Variants in RAB8B observed in about 807,000 individuals in gnomAD.
The protein encoded by RAB8B is RAB8B, member RAS oncogene family.
In RAB8B, 11 loss-of-function variants were observed where a neutral mutation model predicts 32.0. That is an observed-to-expected ratio of 0.34 (90% CI 0.22 to 0.57). RAB8B has a LOEUF of 0.57. RAB8B is among the 20% of genes least tolerant of loss of function. The pLI, the probability that RAB8B is intolerant of heterozygous loss-of-function variation, is 0.86. For synonymous variants in RAB8B, 103 were observed against 89.6 expected (o/e 1.15, Z -0.85); for missense variants, 190 against 258.5 (o/e 0.73, Z 1.82).
intron 1 of RAB8B, among the ~76,000 whole-genome samples, chr15:63,233,920 A>G (rs1210335469): frequency 6.6e-6 from 1 of 152,212 alleles, no homozygotes; most frequent in Non-Finnish European, 1.5e-5. Flanking sequence ...TAAACCCAGC[A>G]TTGAAATCTT....
In RAB8B at chr15:63,226,499, G is replaced by C. The variant is rs565605075; in HGVS notation, c.125-18257G>C. Reference sequence around the variant, plus strand: ...CCTATGCAAAATAGATTAAATATCAGTTTTTCAGAATGCACACATTTTTTT... The same window carrying C: ...CCTATGCAAAATAGATTAAATATCACTTTTTCAGAATGCACACATTTTTTT... On this transcript the variant is annotated intron_variant, in intron 1 of 7. Transcript: ENST00000321437. Among the ~76,000 whole-genome samples the C allele has an allele frequency of 2.6e-5, 4 of 152,272 alleles. No homozygotes were observed. In the South Asian group the frequency reaches 8.3e-4, roughly 32 times the overall value.
At chr15:63,242,047 A>C (rs2038036523) in intron 1 of RAB8B, among the ~76,000 whole-genome samples, 1 of 150,966 alleles carries the variant, frequency 6.6e-6, no homozygotes, top group Non-Finnish European at 1.5e-5. Flanking sequence ...AGGTTGCTGC[A>C]AAAGTAATTG....
intron 1 of RAB8B, among the ~76,000 whole-genome samples, chr15:63,194,314 C>T (rs574188973): frequency 1.3e-5 from 2 of 152,350 alleles, no homozygotes; most frequent in South Asian, 2.1e-4. Context: ...TGAGTTGCTA[C>T]TATTCCTAAT....
chr15:63,246,031 C>G (rs2038069211), intron 2 of RAB8B, among the ~76,000 whole-genome samples: 1 of 152,152 alleles, frequency 6.6e-6, no homozygotes, highest in South Asian at 2.1e-4. Context: ...CGCTACCACG[C>G]CCTGCTATTT....
chr15:63,193,837 A>G lies in RAB8B; in HGVS notation c.124+4089A>G, dbSNP rs186419168. Among the ~76,000 whole-genome samples the G allele has an allele frequency of 4.0e-5, 6 of 149,756 alleles. No homozygotes were observed. In the East Asian group the frequency reaches 1.2e-3, roughly 29 times the overall value. On this transcript the variant is annotated intron_variant, in intron 1 of 7. Transcript: ENST00000321437. ...AAAAACAACAACAACAACAACATCA[A>G]AAACATTTAATTAAGTGCCTGTAAA...
intron 1 of RAB8B, among the ~76,000 whole-genome samples, chr15:63,237,720 A>G (rs1311786274): frequency 1.3e-5 from 2 of 152,080 alleles, no homozygotes; most frequent in Non-Finnish European, 2.9e-5. Flanking sequence ...TTTGCTGTAC[A>G]GAAGCTTTTT....
intron 1 of RAB8B, chr15:63,223,980 G>C (rs544624140): frequency 1.2e-5 from 3 of 258,032 alleles, no homozygotes; most frequent in Non-Finnish European, 2.4e-5. Context: ...GTGGTGTTGG[G>C]TAAGTCACTC....
At chr15:63,240,597 C>T (rs2038024040) in intron 1 of RAB8B, among the ~76,000 whole-genome samples, 1 of 151,974 alleles carries the variant, frequency 6.6e-6, no homozygotes, top group Admixed American at 6.6e-5. Context: ...TCTAGGTCCC[C>T]ACTTGCTTTT....
At chr15:63,200,833 C>G (rs914146538) in intron 1 of RAB8B, among the ~76,000 whole-genome samples, 2 of 152,226 alleles carry the variant, frequency 1.3e-5, no homozygotes, top group Non-Finnish European at 2.9e-5. Context: ...TCTATTTTCT[C>G]TTACACCCCA....
intron 1 of RAB8B, among the ~76,000 whole-genome samples, chr15:63,213,702 TAA>T (rs978257991): frequency 3.9e-5 from 6 of 152,354 alleles, no homozygotes; most frequent in Non-Finnish European, 7.3e-5. Flanking sequence ...TGTTGAAACT[TAA>T]AATGAGTAAA....
At chr15:63,210,323 T>C (rs560088013) in intron 1 of RAB8B, among the ~76,000 whole-genome samples, 65 of 152,354 alleles carry the variant, frequency 4.3e-4, no homozygotes, top group African/African-American at 1.5e-3. Flanking sequence ...CTCTGTGTCT[T>C]TGAGAAAGCC....
Position 63,263,966 on chromosome 15 carries a change from C to T in RAB8B, c.*347C>T, listed in dbSNP as rs2038222363. ...GCACAATCTTAGACTCATATTTGCACACTTTTGTGTCGTGAAGTTCTAGAC... is the reference window on the plus strand; with the variant it reads ...GCACAATCTTAGACTCATATTTGCATACTTTTGTGTCGTGAAGTTCTAGAC... On this transcript the variant is annotated 3_prime_UTR_variant, in exon 8 of 8. Transcript: ENST00000321437. 1 of 184,662 alleles carries T rather than the reference C, an allele frequency of 5.4e-6. No homozygotes were observed. Among genetic ancestry groups the T allele is most frequent in the Non-Finnish European group, 1.1e-5 (1 of 87,474 alleles). The allele number at this position is 184,662 out of a possible 1,614,324, so 11.4% of individuals were successfully genotyped here. A position where few individuals can be genotyped will look rare whatever the true frequency, so the allele number is the denominator to read the frequency against.
chr15:63,190,469 TA>T (rs1481829302), intron 1 of RAB8B, among the ~76,000 whole-genome samples: 4 of 151,888 alleles, frequency 2.6e-5, no homozygotes, highest in Admixed American at 2.6e-4. Context: ...AACATCATAG[TA>T]AAGGGAGGTT....
chr15:63,254,627 C>A (rs1468533332), intron 3 of RAB8B, among the ~76,000 whole-genome samples: 1 of 151,978 alleles, frequency 6.6e-6, no homozygotes, highest in Non-Finnish European at 1.5e-5. Context: ...AAATACCAGA[C>A]ATGGGCTGGG....
intron 1 of RAB8B, chr15:63,223,705 GGTT>G (rs757519291): frequency 3.1e-5 from 8 of 257,274 alleles, no homozygotes; most frequent in South Asian, 1.5e-4. Flanking sequence ...TACTTGTACT[GGTT>G]GTTAAGTGAC....
intron 1 of RAB8B, among the ~76,000 whole-genome samples, chr15:63,190,860 A>T (rs187509253): frequency 8.5e-5 from 13 of 152,316 alleles, no homozygotes; most frequent in African/African-American, 3.1e-4. Flanking sequence ...GGTTCTAATT[A>T]TTGTTAAGTG....
chr15:63,229,177 A>G (rs1595742318), intron 1 of RAB8B, among the ~76,000 whole-genome samples: 2 of 152,232 alleles, frequency 1.3e-5, no homozygotes, highest in African/African-American at 2.4e-5. Context: ...TGGCTACCCC[A>G]GCATTGGGAA....
intron 1 of RAB8B, among the ~76,000 whole-genome samples, chr15:63,218,448 GA>G (rs746516633): frequency 4.6e-5 from 7 of 152,204 alleles, no homozygotes; most frequent in Non-Finnish European, 8.8e-5. Context: ...GTATCTTGAA[GA>G]ATATCGTTGG....
chr15:63,247,956 G>A (rs2038084431), intron 2 of RAB8B, among the ~76,000 whole-genome samples: 1 of 152,114 alleles, frequency 6.6e-6, no homozygotes, highest in Non-Finnish European at 1.5e-5. Flanking sequence ...TCCATCCATT[G>A]GTATTGAACA....
Sources: allele counts gnomAD v4.1 joint callset (sites outside exome capture counted in the v4.1 genomes callset), GRCh38; gene constraint gnomAD v4.1.1; transcripts MANE v1.5; gene names NCBI Gene and HGNC (gene_info 2026-07-23, HGNC 2026-07-21).